MARCHF1: variants seen among roughly 807,000 people sequenced by gnomAD.
MARCHF1 encodes the protein membrane associated ring-CH-type finger 1.
A neutral mutation model predicts 54.2 loss-of-function variants in MARCHF1; 40 were observed. The ratio of observed to expected loss-of-function variants is 0.74; its 90% CI spans 0.57 to 0.96. The LOEUF (loss-of-function observed/expected upper bound fraction) is 0.96, where lower values mean the gene tolerates loss of function less well. Among genes scored for constraint, MARCHF1 ranks in the 40% least tolerant of loss-of-function variants. MARCHF1 has a pLI of 0.00. For missense variants in MARCHF1, 586 were observed against 656.5 expected (o/e 0.89, Z 1.17); for synonymous variants, 236 against 236.3 (o/e 1.00, Z 0.01).
chr4:163,657,997 C>G (rs961335612), intron 5 of MARCHF1, among the ~76,000 whole-genome samples: 1 of 142,478 alleles, frequency 7.0e-6, no homozygotes, highest in African/African-American at 2.8e-5. Flanking sequence ...AGGACATAGG[C>G]ACAGGCAAAC....
rs527984437 is a variant in MARCHF1, at chr4:164,045,842, T to C, written c.-247-57133A>G. ...TAGTTACATGAGGACAAGGATATAA[T>C]TTATTTCAGTTTTTATATATAGCAA... On this transcript the variant is annotated intron_variant, in intron 2 of 9. Transcript: ENST00000514618. Among the ~76,000 whole-genome samples the C allele has an allele frequency of 2.0e-5, 3 of 152,276 alleles. No individual in the cohort carries two copies. The East Asian group carries it at 5.8e-4, about 29-fold the overall frequency.
intron 2 of MARCHF1, among the ~76,000 whole-genome samples, chr4:164,044,819 ACTCT>A (rs10550366): frequency 0.25 from 37,215 of 151,002 alleles, 6,159 homozygotes; most frequent in East Asian, 0.47. Context: ...GACACTATAG[ACTCT>A]CTCTCTCTAT....
intron 4 of MARCHF1, among the ~76,000 whole-genome samples, chr4:163,779,976 T>C (rs1747417532): frequency 6.6e-6 from 1 of 152,224 alleles, no homozygotes; most frequent in South Asian, 2.1e-4. Flanking sequence ...AGTTGGGCAG[T>C]GCATCAAGGA....
intron 3 of MARCHF1, among the ~76,000 whole-genome samples, chr4:163,958,604 T>TAACA (rs1752278358): frequency 6.6e-6 from 1 of 151,984 alleles, no homozygotes; most frequent in African/African-American, 2.4e-5. Flanking sequence ...AATTTAGCCT[T>TAACA]TGTTAAGAGT....
chr4:164,164,842 T>C (rs1354652365), intron 1 of MARCHF1, among the ~76,000 whole-genome samples: 1 of 152,058 alleles, frequency 6.6e-6, no homozygotes, highest in Non-Finnish European at 1.5e-5. Flanking sequence ...ATGGTGGTTT[T>C]ATAAAATAAA....
intron 1 of MARCHF1, among the ~76,000 whole-genome samples, chr4:164,341,422 A>T (rs1729925379): frequency 6.6e-6 from 1 of 152,184 alleles, no homozygotes; most frequent in Non-Finnish European, 1.5e-5. Context: ...GACAAGAAAA[A>T]TAAACAAAAG....
At chr4:163,746,678 A>T (rs190069876) in intron 4 of MARCHF1, among the ~76,000 whole-genome samples, 1 of 151,978 alleles carries the variant, frequency 6.6e-6, no homozygotes, top group African/African-American at 2.4e-5. Context: ...CCATGCCTCC[A>T]TTTTCTTTTT....
chr4:164,006,497 CA>C (rs1753291304), intron 2 of MARCHF1, among the ~76,000 whole-genome samples: 2 of 152,112 alleles, frequency 1.3e-5, no homozygotes, highest in South Asian at 4.1e-4. Flanking sequence ...CTCAAATTAA[CA>C]AATCTAAGAG....
At chr4:164,306,518 A>G (rs2111409985) in intron 1 of MARCHF1, among the ~76,000 whole-genome samples, 1 of 152,246 alleles carries the variant, frequency 6.6e-6, no homozygotes, top group Middle Eastern at 3.4e-3. Flanking sequence ...CAGTAAAACG[A>G]TTTGTTTCAA....
intron 3 of MARCHF1, among the ~76,000 whole-genome samples, chr4:163,899,344 G>A (rs1750887921): frequency 1.3e-5 from 2 of 152,034 alleles, no homozygotes; most frequent in Non-Finnish European, 2.9e-5. Flanking sequence ...ATGGTTGGTT[G>A]TTCATTTTTA....
intron 5 of MARCHF1, among the ~76,000 whole-genome samples, chr4:163,669,035 T>C (rs1189082101): frequency 6.6e-6 from 1 of 152,158 alleles, no homozygotes; most frequent in Non-Finnish European, 1.5e-5. Context: ...ATTAAGCACT[T>C]CTCTGGTGCT....
chr4:163,642,581 T>G (rs1196185134), intron 5 of MARCHF1, among the ~76,000 whole-genome samples: 1 of 152,190 alleles, frequency 6.6e-6, no homozygotes, highest in African/African-American at 2.4e-5. Context: ...TAGATTTTTT[T>G]GTAAAGTTCT....
In MARCHF1 at chr4:163,524,845, C is replaced by T. The variant is rs1738043273; in HGVS notation, c.*3903G>A. On this transcript the variant is annotated 3_prime_UTR_variant, in exon 10 of 10. Transcript: ENST00000514618. Reference sequence around the variant, plus strand: ...TTAATGCAAGAGAATTATGTAAAACCAAAATAGTACAAATGCCTAATTTCA... The same window carrying T: ...TTAATGCAAGAGAATTATGTAAAACTAAAATAGTACAAATGCCTAATTTCA... 6.6e-6 allele frequency: 1 copy of T among 151,996 alleles called. No homozygotes were observed. The highest frequency in any genetic ancestry group is 2.4e-5 in the African/African-American group (1 of 41,406). The allele number at this position is 151,996 out of a possible 1,614,324, so 9.4% of individuals were successfully genotyped here. A position where few individuals can be genotyped will look rare whatever the true frequency, so the allele number is the denominator to read the frequency against.
chr4:163,556,009 C>A (rs1408611090), intron 8 of MARCHF1: 3 of 455,496 alleles, frequency 6.6e-6, no homozygotes, highest in Non-Finnish European at 1.3e-5. Context: ...TTTAAAAATA[C>A]CCAATTTTAC....
rs191983438 is a variant in MARCHF1, at chr4:163,718,276, T to A, written c.112-17413A>T. 6.4e-3 allele frequency among the ~76,000 whole-genome samples: 977 copies of A among 152,226 alleles called. 4 individuals are homozygous for A. Among genetic ancestry groups the A allele is most frequent in the Non-Finnish European group, 0.011 (732 of 68,010 alleles). On this transcript the variant is annotated intron_variant, in intron 4 of 9. Transcript: ENST00000514618. ...ATCATTTCTAAAACACCAAAAGCAA[T>A]GGCAACAAAAGCCAAAATTGACAAA...
At chr4:163,570,059 G>A (rs1739790100) in intron 8 of MARCHF1, among the ~76,000 whole-genome samples, 1 of 152,044 alleles carries the variant, frequency 6.6e-6, no homozygotes, top group South Asian at 2.1e-4. Flanking sequence ...TGCTCAGCAA[G>A]GTCTTTATAG....
Position 163,545,801 on chromosome 4 carries a change from CTTTT to C in MARCHF1, c.1192-62_1192-59del, listed in dbSNP as rs1192323364. On this transcript the variant is annotated intron_variant, in intron 8 of 9. Transcript: ENST00000514618. ...TTGCAAACTAGGAAATTTTGCTCCT[CTTTT>C]ATTTCCCAGACACAGATCATGAATG... The C allele has an allele frequency of 8.5e-6, 13 of 1,523,042 alleles. 1 individual carries two copies. In the Middle Eastern group the frequency reaches 5.1e-4, roughly 60 times the overall value. 94.3% of individuals were successfully genotyped at this position (1,523,042 alleles called of 1,614,324 possible).
chr4:164,051,369 A>T (rs899852862), intron 2 of MARCHF1, among the ~76,000 whole-genome samples: 8 of 152,172 alleles, frequency 5.3e-5, no homozygotes, highest in African/African-American at 1.9e-4. Flanking sequence ...AAAAGGGAAC[A>T]CTTTAGAATA....
rs1030577626 is a variant in MARCHF1 at position 163,719,479 on chromosome 4, C to T, written c.112-18616G>A. 1.1e-4 allele frequency among the ~76,000 whole-genome samples: 17 copies of T among 152,086 alleles called. 1 individual carries two copies. The highest frequency in any genetic ancestry group is 2.4e-4 in the African/African-American group (10 of 41,456). On this transcript the variant is annotated intron_variant, in intron 4 of 9. Transcript: ENST00000514618. ...AAGTCTTTGCTATTGTGAATACTGC[C>T]GCAATAAACAGATGTGTGTGTGTGT...
Sources: gnomAD v4.1 joint callset for allele counts (sites outside exome capture counted in the v4.1 genomes callset) on GRCh38, gnomAD v4.1.1 for gene constraint, MANE v1.5 for transcripts, NCBI Gene and HGNC (gene_info 2026-07-23, HGNC 2026-07-21) for gene names.